The following SMAD1 variants were observed in gnomAD, a reference collection of about 807,000 sequenced individuals.
The protein encoded by SMAD1 is SMAD family member 1, also known as MAD, mothers against decapentaplegic homolog 1.
SMAD1 carries 6 observed loss-of-function variants against 41.6 expected under a neutral mutation model. That is an observed-to-expected ratio of 0.14 (90% CI 0.08 to 0.28). The LOEUF (loss-of-function observed/expected upper bound fraction) is 0.28. Among genes scored for constraint, SMAD1 ranks in the 10% least tolerant of loss-of-function variants. The pLI is 1.00. For synonymous variants in SMAD1, 206 were observed against 203.2 expected (o/e 1.01, Z -0.12); for missense variants, 379 against 582.6 (o/e 0.65, Z 3.60).
intron 6 of SMAD1, 120 bp from the exon 7 acceptor site, chr4:145,557,671 G>T: frequency 2.9e-6 from 2 of 679,920 alleles, no homozygotes; most frequent in Non-Finnish European, 4.7e-6. Flanking sequence ...GGGGCGGGGG[G>T]GTCAGGGAGG....
intron 1 of SMAD1, among the ~76,000 whole-genome samples, chr4:145,511,074 A>T (rs1237189429): frequency 1.3e-5 from 2 of 152,102 alleles, no homozygotes; most frequent in African/African-American, 4.8e-5. Flanking sequence ...TCTTGCTTTC[A>T]ATACTGTGTT....
At chr4:145,513,440 T>C (rs1004180282) in intron 1 of SMAD1, 2 of 152,162 alleles carry the variant, frequency 1.3e-5, no homozygotes, top group Non-Finnish European at 1.5e-5. Flanking sequence ...TGCTAAAGAG[T>C]AAACAGTTTA....
chr4:145,491,676 GT>G, intron 1 of SMAD1, among the ~76,000 whole-genome samples: 1 of 152,180 alleles, frequency 6.6e-6, no homozygotes, highest in Non-Finnish European at 1.5e-5. Context: ...ACAAAGTAGA[GT>G]TATAAGAGGC....
At chr4:145,527,486 G>A (rs940190887) in intron 2 of SMAD1, among the ~76,000 whole-genome samples, 18 of 152,116 alleles carry the variant, frequency 1.2e-4, no homozygotes, top group Non-Finnish European at 1.6e-4. Context: ...GCCTCCCAAA[G>A]TGCTGGGATT....
chr4:145,500,012 A>G (rs1729338026), intron 1 of SMAD1, among the ~76,000 whole-genome samples: 1 of 152,138 alleles, frequency 6.6e-6, no homozygotes. Flanking sequence ...CTCCAACCTT[A>G]CAGTTAATTA....
At chr4:145,489,255 G>A (rs1278321642) in intron 1 of SMAD1, among the ~76,000 whole-genome samples, 3 of 152,198 alleles carry the variant, frequency 2.0e-5, no homozygotes, top group South Asian at 4.1e-4. Flanking sequence ...TGGTGTGGAG[G>A]AGATGCTCAG....
intron 2 of SMAD1, among the ~76,000 whole-genome samples, chr4:145,522,033 C>T (rs1054511718): frequency 6.6e-6 from 1 of 152,036 alleles, no homozygotes; most frequent in Non-Finnish European, 1.5e-5. Context: ...ACAGGCTGGG[C>T]GTGGTGGCTC....
intron 2 of SMAD1, among the ~76,000 whole-genome samples, chr4:145,528,223 C>T (rs1278912689): frequency 6.6e-6 from 1 of 152,020 alleles, no homozygotes; most frequent in Non-Finnish European, 1.5e-5. Context: ...CCTGCCTCAG[C>T]CTCTTGAGTA....
intron 2 of SMAD1, among the ~76,000 whole-genome samples, chr4:145,517,607 A>G (rs1007600006): frequency 1.3e-5 from 2 of 152,116 alleles, no homozygotes; most frequent in Admixed American, 6.5e-5. Flanking sequence ...AATTTGATAA[A>G]TTTTTGCTGT....
intron 2 of SMAD1, among the ~76,000 whole-genome samples, chr4:145,538,601 T>G (rs1578809974): frequency 6.6e-6 from 1 of 152,192 alleles, no homozygotes; most frequent in African/African-American, 2.4e-5. Flanking sequence ...ATGCATAGAT[T>G]CCCTGGAAAG....
intron 1 of SMAD1, among the ~76,000 whole-genome samples, chr4:145,511,364 C>G (rs553856009): frequency 6.6e-6 from 1 of 152,242 alleles, no homozygotes; most frequent in East Asian, 1.9e-4. Flanking sequence ...ATCATAACTC[C>G]TAGGCTCAAG....
At position 145,527,445 on chromosome 4, in the gene SMAD1, G is replaced by A. The variant is rs957469795; in HGVS notation, c.401-12359G>A. Among the ~76,000 whole-genome samples the A allele has an allele frequency of 5.3e-5, 8 of 151,992 alleles. No individual in the cohort carries two copies. In the South Asian group the frequency reaches 1.2e-3, roughly 24 times the overall value. ...TCACCGTTTTAGCCGGGATGGTCTC[G>A]ATCTCCTGACCTCGTGATCCGCCCG... On this transcript the variant is annotated intron_variant, in intron 2 of 6. Transcript: ENST00000302085.
At position 145,519,305 on chromosome 4, in the gene SMAD1, A is replaced by G. The variant is rs185757938; in HGVS notation, c.400+4292A>G. On this transcript the variant is annotated intron_variant, in intron 2 of 6. Transcript: ENST00000302085. ...AAGATGGGGTTTTACCATGTTGGCC[A>G]CGCTGGTCTCGAAGTCCTGACCTCA... Among the ~76,000 whole-genome samples the G allele has an allele frequency of 2.8e-3, 430 of 151,506 alleles. 18 individuals carry two copies. The highest frequency in any genetic ancestry group is 9.9e-3 in the African/African-American group (409 of 41,250).
At position 145,559,112 on chromosome 4, in the gene SMAD1, C is replaced by T. The variant is rs894641523; in HGVS notation, c.*1178C>T. ...TACATTGAGTACTTTTATTCCAAAA[C>T]TAGTGGGTTTTCTCTACTGGAAATT... is the stretch of plus-strand genomic sequence containing the variant. On this transcript the variant is annotated 3_prime_UTR_variant, in exon 7 of 7. Coordinates refer to ENST00000302085, the MANE Select transcript of SMAD1 (RefSeq NM_005900.3). Among the ~76,000 whole-genome samples, 1 of 152,060 alleles carries T rather than the reference C, an allele frequency of 6.6e-6. No individual in the cohort carries two copies. Among genetic ancestry groups the T allele is most frequent in the African/African-American group, 2.4e-5 (1 of 41,398 alleles).
At chr4:145,511,389 C>G (rs191092295) in intron 1 of SMAD1, among the ~76,000 whole-genome samples, 102 of 152,304 alleles carry the variant, frequency 6.7e-4, no homozygotes, top group African/African-American at 2.4e-3. Flanking sequence ...CCTCCTGCCT[C>G]TGCCCCCTGA....
At chr4:145,520,339 G>A (rs1475633605) in intron 2 of SMAD1, among the ~76,000 whole-genome samples, 3 of 152,196 alleles carry the variant, frequency 2.0e-5, no homozygotes, top group South Asian at 4.1e-4. Context: ...GGATGAATGT[G>A]TAGAAATGCA....
intron 2 of SMAD1, among the ~76,000 whole-genome samples, chr4:145,528,705 A>G (rs528741658): frequency 3.3e-5 from 5 of 152,354 alleles, no homozygotes; most frequent in East Asian, 1.9e-4. Context: ...CAATCGTGCA[A>G]TAGATGAATA....
intron 2 of SMAD1, among the ~76,000 whole-genome samples, chr4:145,516,425 T>C (rs1402157570): frequency 1.3e-5 from 2 of 152,212 alleles, no homozygotes; most frequent in Non-Finnish European, 2.9e-5. Context: ...AAGATTGGCC[T>C]ACTGTGCTCT....
chr4:145,491,245 G>C (rs1368050586), intron 1 of SMAD1, among the ~76,000 whole-genome samples: 1 of 152,154 alleles, frequency 6.6e-6, no homozygotes, highest in Non-Finnish European at 1.5e-5. Context: ...ATTGGTAGTG[G>C]ACGTGAACAA....
Sources: allele counts gnomAD v4.1 joint callset (sites outside exome capture counted in the v4.1 genomes callset), GRCh38; gene constraint gnomAD v4.1.1; transcripts MANE v1.5; gene names NCBI Gene and HGNC (gene_info 2026-07-23, HGNC 2026-07-21).